Variants in CEP128 observed in about 807,000 individuals in gnomAD.
CEP128 encodes centrosomal protein 128, also known as centrosomal protein 128kDa.
CEP128 carries 132 observed loss-of-function variants against 156.7 expected under a neutral mutation model. The observed-to-expected ratio is 0.84, with a 90% CI of 0.73 to 0.97. The LOEUF is 0.97. Among genes scored for constraint, CEP128 ranks in the 50% least tolerant of loss-of-function variants. The probability of loss-of-function intolerance (pLI) is 0.00; values close to 1 mark genes in which losing one functional copy is unlikely to be tolerated. For missense variants in CEP128, 1,252 were observed against 1,281.9 expected, an observed-to-expected ratio of 0.98 and a Z score of 0.36; for synonymous variants, 469 against 448.9, an observed-to-expected ratio of 1.04 and a Z score of -0.57.
At chr14:80,854,096 G>A (rs999635768) in intron 9 of CEP128, among the ~76,000 whole-genome samples, 18 of 152,222 alleles carry the variant, frequency 1.2e-4, no homozygotes, top group Admixed American at 8.5e-4. Flanking sequence ...TGTGTGAATA[G>A]ATGCTCAAAT....
intron 23 of CEP128, among the ~76,000 whole-genome samples, chr14:80,516,513 A>G (rs1233190475): frequency 1.3e-5 from 2 of 152,170 alleles, no homozygotes; most frequent in African/African-American, 4.8e-5. Context: ...CAAGCCCAGC[A>G]TAGTACCAGG....
chr14:80,958,582 G>T (rs1284971475), intron 1 of CEP128, among the ~76,000 whole-genome samples: 1 of 152,112 alleles, frequency 6.6e-6, no homozygotes, highest in Non-Finnish European at 1.5e-5. Flanking sequence ...AAGAAGGAAG[G>T]AAGAAAGAGA....
At chr14:80,537,390 C>T (rs1268260931) in intron 21 of CEP128, among the ~76,000 whole-genome samples, 1 of 151,958 alleles carries the variant, frequency 6.6e-6, no homozygotes, top group Non-Finnish European at 1.5e-5. Flanking sequence ...GAAGGGAAGA[C>T]AGAGGAAATA....
At chr14:80,935,646 CAA>C (rs375122664) in intron 2 of CEP128, among the ~76,000 whole-genome samples, 8 of 51,596 alleles carry the variant, frequency 1.6e-4, no homozygotes, top group South Asian at 9.2e-4. Context: ...GTCCCCCCAC[CAA>C]AAAAAAAAAA....
At chr14:80,871,142 C>G (rs1020517249) in intron 8 of CEP128, among the ~76,000 whole-genome samples, 2 of 151,934 alleles carry the variant, frequency 1.3e-5, no homozygotes, top group Non-Finnish European at 2.9e-5. Flanking sequence ...GAGAAAGCCA[C>G]ATAACGTAGG....
intron 19 of CEP128, among the ~76,000 whole-genome samples, chr14:80,646,821 T>C (rs1894652507): frequency 6.6e-6 from 1 of 151,414 alleles, no homozygotes; most frequent in African/African-American, 2.4e-5. Context: ...ATAAATTATT[T>C]AGCACTCTTA....
chr14:80,618,753 G>T (rs1454712989), intron 19 of CEP128, among the ~76,000 whole-genome samples: 1 of 152,192 alleles, frequency 6.6e-6, no homozygotes, highest in African/African-American at 2.4e-5. Flanking sequence ...CCTCTCTAAA[G>T]CTATAGTACC....
intron 19 of CEP128, among the ~76,000 whole-genome samples, chr14:80,636,546 G>A (rs1254375994): frequency 3.3e-5 from 5 of 151,794 alleles, no homozygotes; most frequent in Non-Finnish European, 5.9e-5. Flanking sequence ...TTTTCTCTCT[G>A]CCAGCAATGG....
chr14:80,767,287 C>A (rs554560684), intron 16 of CEP128, among the ~76,000 whole-genome samples: 1 of 152,032 alleles, frequency 6.6e-6, no homozygotes, highest in Admixed American at 6.5e-5. Context: ...AACTGTCTTA[C>A]AAAATGGCCA....
At chr14:80,566,640 T>C (rs1890921280) in intron 20 of CEP128, among the ~76,000 whole-genome samples, 1 of 152,242 alleles carries the variant, frequency 6.6e-6, no homozygotes, top group Non-Finnish European at 1.5e-5. Flanking sequence ...ATGCTATCTA[T>C]TAAAAGTCAG....
At chr14:80,515,700 T>C (rs1888455451) in intron 23 of CEP128, among the ~76,000 whole-genome samples, 1 of 152,128 alleles carries the variant, frequency 6.6e-6, no homozygotes, top group Non-Finnish European at 1.5e-5. Flanking sequence ...GCCTGAGCTG[T>C]TGCCCAAGCT....
At chr14:80,884,911 T>C (rs1367360810) in intron 8 of CEP128, among the ~76,000 whole-genome samples, 2 of 152,154 alleles carry the variant, frequency 1.3e-5, no homozygotes, top group Non-Finnish European at 2.9e-5. Flanking sequence ...ACCACTGGCT[T>C]GAAATTCTTG....
rs571460813 is a variant in CEP128, at chr14:80,901,297, T to C, written c.481-1268A>G. Among the ~76,000 whole-genome samples, 4 of 152,354 alleles carry C rather than the reference T, an allele frequency of 2.6e-5. No individual in the cohort carries two copies. The East Asian group carries it at 7.7e-4, about 29-fold the overall frequency. On this transcript the variant is annotated intron_variant, in intron 6 of 24. Transcript: ENST00000555265. Reference sequence around the variant, plus strand: ...GTTACATGGTGTTCATTCTCATTATTGTAACTTTAACTGTAAATATATATG... The same window carrying C: ...GTTACATGGTGTTCATTCTCATTATCGTAACTTTAACTGTAAATATATATG...
intron 19 of CEP128, among the ~76,000 whole-genome samples, chr14:80,613,569 G>A (rs1893094779): frequency 6.6e-6 from 1 of 151,540 alleles, no homozygotes; most frequent in Admixed American, 6.6e-5. Context: ...TCGGCCTCTC[G>A]AAGGGCTGGG....
At chr14:80,636,955 A>G (rs1373743991) in intron 19 of CEP128, among the ~76,000 whole-genome samples, 1 of 151,980 alleles carries the variant, frequency 6.6e-6, no homozygotes, top group East Asian at 1.9e-4. Context: ...GCGTGGTGGC[A>G]CATGCCTGTA....
intron 8 of CEP128, among the ~76,000 whole-genome samples, chr14:80,884,209 A>G (rs1888684315): frequency 6.6e-6 from 1 of 152,236 alleles, no homozygotes; most frequent in Non-Finnish European, 1.5e-5. Context: ...ACAGGCAGCC[A>G]AAGCAGAAAC....
chr14:80,940,172 A>G (rs1210534678), intron 1 of CEP128, among the ~76,000 whole-genome samples: 3 of 152,228 alleles, frequency 2.0e-5, no homozygotes, highest in Admixed American at 1.3e-4. Context: ...ATTTCAAGAA[A>G]AAAAAAAGGT....
At chr14:80,673,403 G>A (rs1895921526) in intron 19 of CEP128, among the ~76,000 whole-genome samples, 1 of 151,814 alleles carries the variant, frequency 6.6e-6, no homozygotes, top group African/African-American at 2.4e-5. Context: ...CAGCACTTTG[G>A]GAGGCCGAGG....
chr14:80,483,656 T>C (rs1416188277), intron 14 of CEP128, among the ~76,000 whole-genome samples: 1 of 152,158 alleles, frequency 6.6e-6, no homozygotes, highest in African/African-American at 2.4e-5. Flanking sequence ...TGGTTGAGAG[T>C]ATAGATGGAG....
Sources: gnomAD v4.1 joint callset for allele counts (sites outside exome capture counted in the v4.1 genomes callset) on GRCh38, gnomAD v4.1.1 for gene constraint, MANE v1.5 for transcripts, NCBI Gene and HGNC (gene_info 2026-07-23, HGNC 2026-07-21) for gene names.